The following ULK4 variants were observed in gnomAD, a reference collection of about 807,000 sequenced individuals.
The protein encoded by ULK4 is unc-51 like kinase 4, also known as inactive serine/threonine-protein kinase ULK4.
A neutral mutation model predicts 160.6 loss-of-function variants in ULK4; 133 were observed. The observed-to-expected ratio is 0.83, with a 90% CI of 0.72 to 0.96. The LOEUF (loss-of-function observed/expected upper bound fraction) is 0.96, where lower values mean the gene tolerates loss of function less well. Ranked by LOEUF, ULK4 falls within the 40% of genes least tolerant of loss-of-function variation. The pLI is 0.00. For synonymous variants in ULK4, 534 were observed against 539.8 expected, an observed-to-expected ratio of 0.99 and a Z score of 0.15; for missense variants, 1,580 against 1,499.5, an observed-to-expected ratio of 1.05 and a Z score of -0.89.
chr3:41,541,069 A>G (rs1210272974), intron 32 of ULK4, among the ~76,000 whole-genome samples: 1 of 152,074 alleles, frequency 6.6e-6, no homozygotes, highest in Non-Finnish European at 1.5e-5. Flanking sequence ...TTTTGTTGCC[A>G]TTGCTTTTGG....
intron 21 of ULK4, among the ~76,000 whole-genome samples, chr3:41,774,453 C>T (rs576125586): frequency 2.7e-5 from 4 of 150,468 alleles, no homozygotes; most frequent in East Asian, 1.9e-4. Flanking sequence ...ATTTATGCAG[C>T]CAAAAAACAC....
At chr3:41,757,686 T>C (rs1472866765) in intron 21 of ULK4, among the ~76,000 whole-genome samples, 1 of 141,326 alleles carries the variant, frequency 7.1e-6, no homozygotes, top group African/African-American at 2.7e-5. Context: ...CAGGCTGGAG[T>C]GCAGTGGTGC....
At position 41,397,407 on chromosome 3, in the gene ULK4, C is replaced by G. The variant is rs546401936; in HGVS notation, c.3678+672G>C. 2.6e-5 allele frequency among the ~76,000 whole-genome samples: 4 copies of G among 152,016 alleles called. No homozygotes were observed. In the East Asian group the frequency reaches 5.8e-4, roughly 22 times the overall value. On this transcript the variant is annotated intron_variant, in intron 35 of 36. Transcript: ENST00000301831. ...ATAACTAACTACACATTGATTAAAC[C>G]AAGTGATCAAAATTAATACCACCAG...
chr3:41,854,617 G>A (rs2125676728), intron 17 of ULK4, among the ~76,000 whole-genome samples: 1 of 152,192 alleles, frequency 6.6e-6, no homozygotes, highest in Non-Finnish European at 1.5e-5. Flanking sequence ...TTACTGAGCA[G>A]AAACCTAACT....
At chr3:41,721,279 T>TTTTTTTTTTTTTTTTTGG (rs67078043) in intron 22 of ULK4, among the ~76,000 whole-genome samples, 2 of 98,918 alleles carry the variant, frequency 2.0e-5, no homozygotes, top group Non-Finnish European at 3.9e-5. Context: ...TTTTTTTTTT[T>TTTTTTTTTTTTTTTTTGG]TTTTTGGGTT....
At chr3:41,645,693 A>C (rs2034454941) in intron 30 of ULK4, among the ~76,000 whole-genome samples, 1 of 152,126 alleles carries the variant, frequency 6.6e-6, no homozygotes, top group African/African-American at 2.4e-5. Context: ...AGAGTTCTGT[A>C]GATGTCTATT....
At chr3:41,828,585 C>A (rs530349342) in intron 18 of ULK4, among the ~76,000 whole-genome samples, 2 of 137,894 alleles carry the variant, frequency 1.5e-5, no homozygotes, top group South Asian at 2.2e-4. Flanking sequence ...ATCCAACTTA[C>A]AAGGGATGTC....
At position 41,559,647 on chromosome 3, in the gene ULK4, T is replaced by C. The variant is rs914269163; in HGVS notation, c.3226+6378A>G. Among the ~76,000 whole-genome samples, 4 of 152,186 alleles carry C rather than the reference T, an allele frequency of 2.6e-5. No homozygotes were observed. In the South Asian group the frequency reaches 6.2e-4, roughly 24 times the overall value. ...GCCAGTGATGATGAGCATTTTGTCA[T>C]GTGTGTTTTGGCTGCATAAATGTCT... On this transcript the variant is annotated intron_variant, in intron 32 of 36. Coordinates refer to ENST00000301831, the MANE Select transcript of ULK4 (RefSeq NM_017886.4).
intron 29 of ULK4, among the ~76,000 whole-genome samples, chr3:41,679,996 G>A (rs1200722584): frequency 1.3e-5 from 2 of 152,078 alleles, no homozygotes; most frequent in South Asian, 2.1e-4. Context: ...CTACAGGCAC[G>A]AGCCACTGAA....
At chr3:41,404,304 T>G (rs1027941371) in intron 34 of ULK4, among the ~76,000 whole-genome samples, 1 of 151,984 alleles carries the variant, frequency 6.6e-6, no homozygotes, top group Non-Finnish European at 1.5e-5. Context: ...GTTATGTCAT[T>G]TCAGTGGATA....
In ULK4 at chr3:41,930,614, G is replaced by A. The variant is rs148092017; in HGVS notation, c.541+1230C>T. Among the ~76,000 whole-genome samples, 1,297 of 152,058 alleles carry A rather than the reference G, an allele frequency of 8.5e-3. 17 individuals carry two copies. Among genetic ancestry groups the A allele is most frequent in the African/African-American group, 0.03 (1,248 of 41,480 alleles). ...ATCTGACAAAGTTCTAATATCCAGA[G>A]TCTACAAGAAATTTAAACAAATTTA... On this transcript the variant is annotated intron_variant, in intron 5 of 36. Transcript: ENST00000301831.
chr3:41,379,511 G>A (rs1424591586), intron 35 of ULK4, among the ~76,000 whole-genome samples: 7 of 152,248 alleles, frequency 4.6e-5, no homozygotes, highest in South Asian at 4.1e-4. Flanking sequence ...AACAGAAAAC[G>A]TTAAACAAGC....
intron 32 of ULK4, among the ~76,000 whole-genome samples, chr3:41,492,453 G>A (rs908361837): frequency 1.6e-4 from 24 of 151,194 alleles, no homozygotes; most frequent in African/African-American, 5.8e-4. Flanking sequence ...GGAACAACCG[G>A]TACCAGCCAC....
At chr3:41,500,064 T>G (rs918955357) in intron 32 of ULK4, among the ~76,000 whole-genome samples, 9 of 152,120 alleles carry the variant, frequency 5.9e-5, no homozygotes, top group African/African-American at 1.9e-4. Flanking sequence ...TTGTACCTTC[T>G]CTCATTTTTC....
intron 18 of ULK4, among the ~76,000 whole-genome samples, chr3:41,821,402 G>A (rs1229412883): frequency 2.6e-5 from 4 of 152,024 alleles, no homozygotes; most frequent in South Asian, 2.1e-4. Flanking sequence ...AAGCTATGAC[G>A]CTCCCACCAC....
intron 35 of ULK4, among the ~76,000 whole-genome samples, chr3:41,340,480 G>A (rs1043305627): frequency 6.6e-6 from 1 of 152,190 alleles, no homozygotes; most frequent in South Asian, 2.1e-4. Context: ...TTGTTCATTT[G>A]AGAAACATCT....
intron 35 of ULK4, among the ~76,000 whole-genome samples, chr3:41,342,921 A>G (rs1287033197): frequency 2.0e-5 from 3 of 152,198 alleles, no homozygotes; most frequent in Non-Finnish European, 4.4e-5. Context: ...AAAGACAAAA[A>G]CCACATGATT....
intron 30 of ULK4, among the ~76,000 whole-genome samples, chr3:41,637,712 AT>A (rs2034014797): frequency 6.6e-6 from 1 of 151,892 alleles, no homozygotes; most frequent in Non-Finnish European, 1.5e-5. Flanking sequence ...GTTATCTTTC[AT>A]TTTTCGGATC....
chr3:41,439,380 C>T (rs925064403), intron 34 of ULK4, among the ~76,000 whole-genome samples: 4 of 152,142 alleles, frequency 2.6e-5, no homozygotes, highest in African/African-American at 2.4e-5. Flanking sequence ...ATACCTTCCA[C>T]TCTTGATGAA....
Sources: allele counts gnomAD v4.1 joint callset (sites outside exome capture counted in the v4.1 genomes callset), GRCh38; gene constraint gnomAD v4.1.1; transcripts MANE v1.5; gene names NCBI Gene and HGNC (gene_info 2026-07-23, HGNC 2026-07-21).